The following PCDHGB1 variants were observed in gnomAD, a reference collection of about 807,000 sequenced individuals.
The protein encoded by PCDHGB1 is protocadherin gamma-B1.
In PCDHGB1, 34 loss-of-function variants were observed where a neutral mutation model predicts 56.6. That is an observed-to-expected ratio of 0.60 (90% CI 0.46 to 0.80). PCDHGB1 has a LOEUF of 0.80. Ranked by LOEUF, PCDHGB1 falls within the 30% of genes least tolerant of loss-of-function variation. The pLI, the probability that PCDHGB1 is intolerant of heterozygous loss-of-function variation, is 0.00. For missense variants in PCDHGB1, 1,278 were observed against 1,204.6 expected (o/e 1.06, Z -0.90); for synonymous variants, 561 against 505.9 (o/e 1.11, Z -1.46).
chr5:141,473,944 C>T (rs1279694347), intron 1 of PCDHGB1, among the ~76,000 whole-genome samples: 1 of 152,156 alleles, frequency 6.6e-6, no homozygotes, highest in Non-Finnish European at 1.5e-5. Context: ...TAGCTCAGGC[C>T]TGTAGTCCCA....
intron 1 of PCDHGB1, among the ~76,000 whole-genome samples, chr5:141,435,604 A>T (rs1361568996): frequency 6.6e-6 from 1 of 152,180 alleles, no homozygotes. Flanking sequence ...CCTGCTTTTT[A>T]CATTAAATTC....
chr5:141,473,186 T>C (rs984810414), intron 1 of PCDHGB1, among the ~76,000 whole-genome samples: 1 of 152,134 alleles, frequency 6.6e-6, no homozygotes, highest in African/African-American at 2.4e-5. Flanking sequence ...CTTGAAGGAG[T>C]AAATGTATCT....
chr5:141,393,126 A>T, intron 1 of PCDHGB1: 1 of 1,613,436 alleles, frequency 6.2e-7, no homozygotes, highest in Non-Finnish European at 8.5e-7. Context: ...GTGTCTGATA[A>T]ATATTAACAC....
chr5:141,413,880 T>G, intron 1 of PCDHGB1: 1 of 1,613,420 alleles, frequency 6.2e-7, no homozygotes, highest in Non-Finnish European at 8.5e-7. Flanking sequence ...TCAGTGTGAC[T>G]GTCTTCGATG....
At chr5:141,505,106 G>A (rs934779049) in intron 2 of PCDHGB1, among the ~76,000 whole-genome samples, 1 of 152,188 alleles carries the variant, frequency 6.6e-6, no homozygotes, top group Non-Finnish European at 1.5e-5. Context: ...ATGTTGCAAT[G>A]AGCCAAGATC....
intron 1 of PCDHGB1, chr5:141,411,852 C>G (rs992038456): frequency 1.3e-5 from 2 of 151,222 alleles, no homozygotes; most frequent in East Asian, 1.9e-4. Context: ...AGAGTGAGAC[C>G]CTGTCTCAAA....
intron 2 of PCDHGB1, among the ~76,000 whole-genome samples, chr5:141,503,295 T>C (rs567706089): frequency 6.6e-6 from 1 of 152,070 alleles, no homozygotes; most frequent in Non-Finnish European, 1.5e-5. Context: ...TACATAGAAA[T>C]TGCTCAAGAA....
At chr5:141,395,547 TGTGTGTG>T (rs1561655273) in intron 1 of PCDHGB1, 9,050 of 174,290 alleles carry the variant, frequency 0.052, 489 homozygotes, top group Middle Eastern at 0.08. Context: ...ATTGTTTGTG[TGTGTGTG>T]TGTGTGTGTG....
intron 1 of PCDHGB1, among the ~76,000 whole-genome samples, chr5:141,436,328 A>G (rs146180035): frequency 6.6e-6 from 1 of 152,326 alleles, no homozygotes; most frequent in East Asian, 1.9e-4. Flanking sequence ...CTGTTAGACC[A>G]TATCTCAAAT....
At chr5:141,410,659 C>T (rs1481225976) in intron 1 of PCDHGB1, 5 of 1,571,890 alleles carry the variant, frequency 3.2e-6, no homozygotes, top group Non-Finnish European at 4.3e-6. Flanking sequence ...ATCTAATAGT[C>T]TACTAGTTTC....
chr5:141,380,795 A>C (rs1776743298), intron 1 of PCDHGB1, among the ~76,000 whole-genome samples: 1 of 152,246 alleles, frequency 6.6e-6, no homozygotes, highest in African/African-American at 2.4e-5. Context: ...GTAGAATAAG[A>C]AACAAATGTG....
Position 141,350,989 on chromosome 5 carries a change from A to G in PCDHGB1, c.729A>G (p.Val243=), listed in dbSNP as rs1469049462. Residue 243 remains valine (V), a synonymous_variant, in exon 1 of 4, where the codon GTA becomes GTG. Transcript: ENST00000523390. Reference sequence around the variant, plus strand: ...ATGCTCCCGTGTTTAGCCAGGAGGTATACAGGGTTAGCCTCCAAGAAAACG... The same window carrying G: ...ATGCTCCCGTGTTTAGCCAGGAGGTGTACAGGGTTAGCCTCCAAGAAAACG... ...NDNAPVFSQE[V]YRVSLQENVP... is the part of the protein sequence containing the mutation. 7 of 1,614,080 alleles carry G rather than the reference A, an allele frequency of 4.3e-6. No homozygotes were observed. The highest frequency in any genetic ancestry group is 1.7e-5 in the Admixed American group (1 of 60,034).
rs2099693161 is a variant in PCDHGB1, at chr5:141,489,871, G to T, written c.2410-4936G>T. ...TGAAGCCCAGGCAAGACATCAGCTG[G>T]TGCTTACTGCTGTGGATGGGGGGAC... On this transcript the variant is annotated intron_variant, in intron 1 of 3. Coordinates refer to ENST00000523390, the MANE Select transcript of PCDHGB1 (RefSeq NM_018922.3). This position sits in a 1 kb window ranked among gnomAD's most constrained non-coding sequence, Gnocchi z 4.5. The T allele has an allele frequency of 6.2e-7, 1 of 1,614,088 alleles. No homozygotes were observed. Among genetic ancestry groups the T allele is most frequent in the Non-Finnish European group, 8.5e-7 (1 of 1,180,022 alleles).
chr5:141,354,620 T>G (rs1401414330), intron 1 of PCDHGB1, among the ~76,000 whole-genome samples: 1 of 152,218 alleles, frequency 6.6e-6, no homozygotes. Flanking sequence ...CCCACTGTCT[T>G]TTCACTTATC....
intron 2 of PCDHGB1, among the ~76,000 whole-genome samples, chr5:141,502,988 C>A (rs1285178746): frequency 6.7e-6 from 1 of 150,346 alleles, no homozygotes; most frequent in Non-Finnish European, 1.5e-5. Flanking sequence ...GGATTACAGG[C>A]GTGTGCCACC....
intron 1 of PCDHGB1, chr5:141,379,407 A>G (rs750448486): frequency 1.2e-4 from 18 of 152,228 alleles, no homozygotes; most frequent in Admixed American, 2.6e-4. Flanking sequence ...AATCTTGGAT[A>G]TTAGTCTCAT....
At chr5:141,385,370 A>G (rs1165174523) in intron 1 of PCDHGB1, 1 of 1,530,088 alleles carries the variant, frequency 6.5e-7, no homozygotes, top group South Asian at 1.3e-5. Flanking sequence ...TATTTGCATG[A>G]TATTTCTCTA....
chr5:141,389,873 C>T (rs767569258), intron 1 of PCDHGB1: 2 of 1,614,070 alleles, frequency 1.2e-6, no homozygotes, highest in Admixed American at 1.7e-5. Context: ...TGGTCTTCGC[C>T]GACAGCTTGC....
Position 141,436,609 on chromosome 5 carries a change from A to G in PCDHGB1, c.2410-58198A>G, listed in dbSNP as rs182981534. On this transcript the variant is annotated intron_variant, in intron 1 of 3. Coordinates refer to ENST00000523390, the MANE Select transcript of PCDHGB1 (RefSeq NM_018922.3). ...AAAGGTCGTGGTGATGGCTAGGGCT[A>G]ACAAAAATCTGATTCACAACATGCA... Among the ~76,000 whole-genome samples, 5 of 152,334 alleles carry G rather than the reference A, an allele frequency of 3.3e-5. No homozygotes were observed. The East Asian group carries it at 5.8e-4, about 18-fold the overall frequency.
Sources: allele counts gnomAD v4.1 joint callset (sites outside exome capture counted in the v4.1 genomes callset), GRCh38; gene constraint gnomAD v4.1.1; non-coding constraint Gnocchi (gnomAD v3.1); transcripts MANE v1.5; gene names NCBI Gene and HGNC (gene_info 2026-07-23, HGNC 2026-07-21).